IKZF1: variants seen among roughly 807,000 people sequenced by gnomAD.
The protein encoded by IKZF1 is IKAROS family zinc finger 1.
In IKZF1, 10 loss-of-function variants were observed where a neutral mutation model predicts 51.7. That is an observed-to-expected ratio of 0.19 (90% confidence interval 0.12 to 0.33). The LOEUF (loss-of-function observed/expected upper bound fraction) is 0.33, where lower values mean the gene tolerates loss of function less well. IKZF1 is among the 10% of genes least tolerant of loss of function. The probability of loss-of-function intolerance (pLI) is 1.00; values close to 1 mark genes in which losing one functional copy is unlikely to be tolerated. For missense variants in IKZF1, 484 were observed against 707.5 expected, an observed-to-expected ratio of 0.68 and a Z score of 3.58; for synonymous variants, 280 against 282.3, an observed-to-expected ratio of 0.99 and a Z score of 0.08.
At chr7:50,377,119 G>T in intron 4 of IKZF1, 1 of 278,758 alleles carries the variant, frequency 3.6e-6, no homozygotes, top group South Asian at 6.7e-5. Flanking sequence ...GGGTACGTGT[G>T]CTGAGTGGTC....
chr7:50,327,781 T>G, intron 3 of IKZF1, 24 bp downstream of exon 3: 1 of 1,586,356 alleles, frequency 6.3e-7, no homozygotes, highest in Non-Finnish European at 8.6e-7. Flanking sequence ...CAGCGGCCTC[T>G]GTGCCTGTGA....
chr7:50,343,094 CCTT>C (rs1312700092), intron 3 of IKZF1, among the ~76,000 whole-genome samples: 2 of 150,106 alleles, frequency 1.3e-5, no homozygotes, highest in African/African-American at 2.5e-5. Context: ...TTCTTTCCTT[CCTT>C]CTTTCCTCTT....
intron 3 of IKZF1, among the ~76,000 whole-genome samples, chr7:50,372,154 G>A (rs550349139): frequency 6.6e-6 from 1 of 152,260 alleles, no homozygotes; most frequent in Non-Finnish European, 1.5e-5. Flanking sequence ...TCTCCTCCTA[G>A]CTGGATAAGA....
intron 4 of IKZF1, among the ~76,000 whole-genome samples, chr7:50,379,654 G>C (rs1257719647): frequency 6.6e-6 from 1 of 152,202 alleles, no homozygotes; most frequent in Non-Finnish European, 1.5e-5. Context: ...AAGATTGTCT[G>C]TGCCTATCTA....
chr7:50,337,088 TG>T (rs1359037846), intron 3 of IKZF1, among the ~76,000 whole-genome samples: 1 of 151,724 alleles, frequency 6.6e-6, no homozygotes, highest in Non-Finnish European at 1.5e-5. Flanking sequence ...TCGGTAGGAT[TG>T]GGGCAAAACC....
chr7:50,329,996 C>T (rs1025170037), intron 3 of IKZF1, among the ~76,000 whole-genome samples: 6 of 152,160 alleles, frequency 3.9e-5, no homozygotes, highest in African/African-American at 9.7e-5. Flanking sequence ...CCCTTACGGA[C>T]GTCATATTGT....
intron 1 of IKZF1, among the ~76,000 whole-genome samples, chr7:50,316,634 G>A (rs1369035180): frequency 6.6e-6 from 1 of 152,244 alleles, no homozygotes; most frequent in Non-Finnish European, 1.5e-5. Flanking sequence ...TTCCCACAGA[G>A]CAGAGCTTGA....
chr7:50,391,948 A>C, intron 7 of IKZF1, 85 bp downstream of exon 7: 4 of 1,432,342 alleles, frequency 2.8e-6, no homozygotes, highest in Non-Finnish European at 3.7e-6. Flanking sequence ...GGGTGGAAGA[A>C]AGGGAAAAAA....
At chr7:50,385,631 C>A (rs1274728387) in intron 5 of IKZF1, among the ~76,000 whole-genome samples, 2 of 152,112 alleles carry the variant, frequency 1.3e-5, no homozygotes, top group African/African-American at 4.8e-5. Context: ...TTCTTATGTT[C>A]CAGAGTTAAA....
At chr7:50,321,795 T>G (rs977551465) in intron 2 of IKZF1, among the ~76,000 whole-genome samples, 1 of 152,168 alleles carries the variant, frequency 6.6e-6, no homozygotes, top group Non-Finnish European at 1.5e-5. Flanking sequence ...AGTTTTCTTG[T>G]CTTTACCATA....
chr7:50,321,055 T>C (rs1258308778), intron 2 of IKZF1, among the ~76,000 whole-genome samples: 1 of 152,138 alleles, frequency 6.6e-6, no homozygotes, highest in Non-Finnish European at 1.5e-5. Flanking sequence ...TAAAAGAAAA[T>C]AAATTACATA....
In IKZF1 at chr7:50,389,307, C is replaced by G. The variant is rs78337803; in HGVS notation, c.715+1837C>G. Among the ~76,000 whole-genome samples the G allele has an allele frequency of 2.3e-3, 351 of 152,366 alleles. 2 individuals are homozygous for G. The highest frequency in any genetic ancestry group is 8.2e-3 in the African/African-American group (339 of 41,586). On this transcript the variant is annotated intron_variant, in intron 6 of 7. Transcript: ENST00000331340. ...TACCTAAACATGGATGTTTAGGTCA[C>G]TGACATACTGACACCATCAAGCTAA...
At chr7:50,385,011 T>C (rs1812952798) in intron 5 of IKZF1, among the ~76,000 whole-genome samples, 1 of 152,254 alleles carries the variant, frequency 6.6e-6, no homozygotes, top group African/African-American at 2.4e-5. Context: ...TATGTTATTC[T>C]GGCTCCAGGC....
In IKZF1 at chr7:50,376,555, T is replaced by A. The variant is rs2153468648; in HGVS notation, c.183T>A (p.Thr61=). 6.2e-7 allele frequency: 1 copy of A among 1,613,854 alleles called. No homozygotes were observed. The highest frequency in any genetic ancestry group is 8.5e-7 in the Non-Finnish European group (1 of 1,179,856). The change falls in exon 4 of 8, where the codon ACT becomes ACA. Residue 61 remains threonine, a synonymous_variant. Coordinates refer to ENST00000331340, the MANE Select transcript of IKZF1 (RefSeq NM_006060.6). The surrounding 1 kb of genome is among the most constrained non-coding windows in gnomAD (Gnocchi z 4.5). ...RVVASNVKVE[T]QSDEENGRAC... ...CAGCCAGTAATGTTAAAGTAGAGAC[T>A]CAGAGTGATGAAGAGAATGGGCGTG...
intron 3 of IKZF1, chr7:50,368,585 T>TA: frequency 2.0e-6 from 1 of 506,934 alleles, no homozygotes; most frequent in South Asian, 3.0e-5. Flanking sequence ...GGAGCCAACG[T>TA]ACTGTTCCTG....
In IKZF1 at chr7:50,384,142, G is replaced by A. The variant is rs1038219217; in HGVS notation, c.589+1435G>A. On this transcript the variant is annotated intron_variant, in intron 5 of 7. Coordinates refer to ENST00000331340, the MANE Select transcript of IKZF1 (RefSeq NM_006060.6). Reference sequence around the variant, plus strand: ...CTGAAGTACATGCTGGAAGGCGAGTGTCTGAGGTTTGCTTTAGAGACATTC... The same window carrying A: ...CTGAAGTACATGCTGGAAGGCGAGTATCTGAGGTTTGCTTTAGAGACATTC... Among the ~76,000 whole-genome samples the A allele has an allele frequency of 5.3e-5, 8 of 152,236 alleles. No individual in the cohort carries two copies. In the East Asian group the frequency reaches 1.3e-3, roughly 26 times the overall value.
chr7:50,315,288 G>T (rs1158957708), intron 1 of IKZF1, among the ~76,000 whole-genome samples: 1 of 152,184 alleles, frequency 6.6e-6, no homozygotes, highest in Non-Finnish European at 1.5e-5. Context: ...TGGGAGGTAG[G>T]TGTGGGAGGA....
At position 50,403,806 on chromosome 7, in the gene IKZF1, T is replaced by G. The variant is rs1818540548; in HGVS notation, c.*3179T>G. The G allele has an allele frequency of 4.4e-6, 1 of 225,278 alleles. No homozygotes were observed. The highest frequency in any genetic ancestry group is 5.7e-5 in the Admixed American group (1 of 17,482). The allele number at this position is 225,278 out of a possible 1,614,324, so 14.0% of individuals were successfully genotyped here. On this transcript the variant is annotated 3_prime_UTR_variant, in exon 8 of 8. Transcript: ENST00000331340. ...TGTTATATGGTTCCCCACCGACCAT[T>G]TTTGTGCTTTTTTCTTGTTTTGTTT...
rs2153468465 is a variant in IKZF1, at chr7:50,376,529, T to C, written c.161-4T>C. On this transcript the variant is annotated splice_region_variant and splice_polypyrimidine_tract_variant and intron_variant, in intron 3 of 7. Transcript: ENST00000331340. This position sits in a 1 kb window ranked among gnomAD's most constrained non-coding sequence, Gnocchi z 4.5. ...TGAGTGGCCTCCTGTATTGTTTCTT[T>C]CAGCCAGTAATGTTAAAGTAGAGAC... 6.2e-7 allele frequency: 1 copy of C among 1,613,498 alleles called. No homozygotes were observed. The highest frequency in any genetic ancestry group is 1.1e-5 in the South Asian group (1 of 91,070).
Sources: gnomAD v4.1 joint callset for allele counts (sites outside exome capture counted in the v4.1 genomes callset) on GRCh38, gnomAD v4.1.1 for gene constraint, Gnocchi (gnomAD v3.1) non-coding constraint, MANE v1.5 for transcripts, NCBI Gene and HGNC (gene_info 2026-07-23, HGNC 2026-07-21) for gene names.